ABCD4: variants seen among roughly 807,000 people sequenced by gnomAD.
ABCD4 encodes the protein lysosomal cobalamin transporter ABCD4.
ABCD4 carries 53 observed loss-of-function variants against 86.3 expected under a neutral mutation model. The ratio of observed to expected loss-of-function variants is 0.61; its 90% CI spans 0.49 to 0.77. The LOEUF (loss-of-function observed/expected upper bound fraction) is 0.77. Among genes scored for constraint, ABCD4 ranks in the 30% least tolerant of loss-of-function variants. ABCD4 has a pLI of 0.00. For synonymous variants in ABCD4, 328 were observed against 313.6 expected, an observed-to-expected ratio of 1.05 and a Z score of -0.49; for missense variants, 757 against 764.5, an observed-to-expected ratio of 0.99 and a Z score of 0.12.
chr14:74,292,545 C>A lies in ABCD4; in HGVS notation c.1028+6G>T, dbSNP rs115783644. 1.5e-3 allele frequency: 2,407 copies of A among 1,613,610 alleles called. 27 individuals are homozygous for A. In the African/African-American group the frequency reaches 0.028, roughly 19 times the overall value. ...CAGGAGCCAGAGGGGTGGGACACGG[C>A]CTCACCTGTGCGTGTAGCCAGCCAC... On this transcript the variant is annotated splice_donor_region_variant and intron_variant, in intron 10 of 18. Coordinates refer to ENST00000356924, the MANE Select transcript of ABCD4 (RefSeq NM_005050.4).
At chr14:74,302,701 G>A (rs2140168060) in intron 1 of ABCD4, among the ~76,000 whole-genome samples, 174 bp downstream of exon 1, 1 of 152,340 alleles carries the variant, frequency 6.6e-6, no homozygotes, top group Admixed American at 6.5e-5. Context: ...GGTGCGGAGC[G>A]GCCTAGAGCG....
At position 74,288,901 on chromosome 14, in the gene ABCD4, C is replaced by T; in HGVS notation, c.1457-136G>A. ...GGCCGAGGCAGGTGGATCACAAGGT[C>T]AGGAGATGGAGACCACCCTGGCCAA... On this transcript the variant is annotated intron_variant, in intron 14 of 18. Coordinates refer to ENST00000356924, the MANE Select transcript of ABCD4 (RefSeq NM_005050.4). 3.4e-6 allele frequency: 4 copies of T among 1,164,028 alleles called. No homozygotes were observed. In the East Asian group the frequency reaches 7.8e-5, roughly 23 times the overall value. The allele number at this position is 1,164,028 out of a possible 1,614,324, so 72.1% of individuals were successfully genotyped here.
In ABCD4 at chr14:74,286,387, C is replaced by A. The variant is rs775597361; in HGVS notation, c.*74G>T. Reference sequence around the variant, plus strand: ...GTGGCGAACCTGAGCTCGATCTTCGCTGTCAGTCCTCCTGGTCTCTCCTGA... The same window carrying A: ...GTGGCGAACCTGAGCTCGATCTTCGATGTCAGTCCTCCTGGTCTCTCCTGA... On this transcript the variant is annotated 3_prime_UTR_variant, in exon 19 of 19. Coordinates refer to ENST00000356924, the MANE Select transcript of ABCD4 (RefSeq NM_005050.4). 11 of 1,527,388 alleles carry A rather than the reference C, an allele frequency of 7.2e-6. No homozygotes were observed. In the African/African-American group the frequency reaches 1.4e-4, roughly 19 times the overall value. The allele number at this position is 1,527,388 out of a possible 1,614,324, so 94.6% of individuals were successfully genotyped here. A position where few individuals can be genotyped will look rare whatever the true frequency, so the allele number is the denominator to read the frequency against.
intron 11 of ABCD4, among the ~76,000 whole-genome samples, chr14:74,291,489 A>G (rs1024559578): frequency 3.9e-5 from 6 of 152,226 alleles, no homozygotes; most frequent in African/African-American, 1.2e-4. Flanking sequence ...CAGAGTACTA[A>G]TAACAAGAAT....
chr14:74,290,562 G>GCACTGCTCCCGGGAGC (rs1650402347), intron 11 of ABCD4, 63 bp from the exon 12 acceptor site: 8 of 1,308,702 alleles, frequency 6.1e-6, no homozygotes, highest in Non-Finnish European at 8.7e-6. Flanking sequence ...TGTGGGGGAG[G>GCACTGCTCCCGGGAGC]CACTGCTCCC....
intron 13 of ABCD4, 108 bp from the exon 14 acceptor site, chr14:74,289,627 G>T: frequency 6.6e-7 from 1 of 1,526,660 alleles, no homozygotes; most frequent in Non-Finnish European, 8.8e-7. Flanking sequence ...AGGAGGAGAG[G>T]TGGGAACGCC....
intron 4 of ABCD4, chr14:74,297,706 C>T (rs2083228320): frequency 1.6e-6 from 2 of 1,245,580 alleles, no homozygotes; most frequent in East Asian, 3.7e-5. Flanking sequence ...ACTACAGGTG[C>T]ATGCCACTGC....
At chr14:74,302,853 C>G in intron 1 of ABCD4, 22 bp downstream of exon 1, 4 of 1,605,054 alleles carry the variant, frequency 2.5e-6, no homozygotes, top group Middle Eastern at 3.3e-4. Flanking sequence ...TCCCAAACCT[C>G]CTCCCCGACC....
At chr14:74,297,362 G>C (rs2083128419) in intron 4 of ABCD4, 1 of 152,184 alleles carries the variant, frequency 6.6e-6, no homozygotes, top group South Asian at 2.1e-4. Context: ...GTTATAACCT[G>C]AGTGGTGATA....
Position 74,292,922 on chromosome 14 carries a change from C to A in ABCD4, c.815-53G>T, listed in dbSNP as rs138314552. 1.0e-4 allele frequency: 164 copies of A among 1,611,026 alleles called. 1 individual carries two copies. The South Asian group carries it at 1.7e-3, about 17-fold the overall frequency. ...CAGGAACCATCCACATGCCCTACAG[C>A]GGACACAACCCTAAGACAGGGAGCA... On this transcript the variant is annotated intron_variant, in intron 8 of 18. Coordinates refer to ENST00000356924, the MANE Select transcript of ABCD4 (RefSeq NM_005050.4).
rs1468663643 is a variant in ABCD4, at chr14:74,285,882, T to TA, written c.*578dup. On this transcript the variant is annotated 3_prime_UTR_variant, in exon 19 of 19. Coordinates refer to ENST00000356924, the MANE Select transcript of ABCD4 (RefSeq NM_005050.4). ...GGGGAGAAGTGAAAAACCCTGGGCATAAGATTCCAGAACAGCAGAGTGTGC... is the reference window on the plus strand; with the variant it reads ...GGGGAGAAGTGAAAAACCCTGGGCATAAAGATTCCAGAACAGCAGAGTGTGC... 2.6e-5 allele frequency: 4 copies of TA among 152,302 alleles called. No homozygotes were observed. The highest frequency in any genetic ancestry group is 9.7e-5 in the African/African-American group (4 of 41,424). 9.4% of individuals were successfully genotyped at this position (152,302 alleles called of 1,614,324 possible).
At position 74,299,471 on chromosome 14, in the gene ABCD4, A is replaced by G. The variant is rs370730765; in HGVS notation, c.285+77T>C. The G allele has an allele frequency of 6.4e-6, 10 of 1,560,890 alleles. No individual in the cohort carries two copies. In the African/African-American group the frequency reaches 1.4e-4, roughly 21 times the overall value. ...CCACAGCTTGCTTCCTGCTTCCTGG[A>G]GGCTAAGTTCCACTAGGCATTACGG... On this transcript the variant is annotated intron_variant, in intron 3 of 18. Coordinates refer to ENST00000356924, the MANE Select transcript of ABCD4 (RefSeq NM_005050.4).
intron 4 of ABCD4, 71 bp from the exon 5 acceptor site, chr14:74,296,520 C>T (rs2082915125): frequency 1.5e-6 from 2 of 1,352,402 alleles, no homozygotes; most frequent in South Asian, 2.4e-5. Context: ...AAGAAACTTT[C>T]ACATCACCTC....
In ABCD4 at chr14:74,286,717, C is replaced by T. The variant is rs143288344; in HGVS notation, c.1736G>A (p.Arg579Gln). The T allele has an allele frequency of 5.1e-3, 8,298 of 1,614,076 alleles. 28 individuals carry two copies. The highest frequency in any genetic ancestry group is 5.8e-3 in the Non-Finnish European group (6,789 of 1,180,030). The change falls in exon 18 of 19, where the codon CGG becomes CAG. Residue 579 changes from arginine to glutamine, a missense_variant. Transcript: ENST00000356924. ...CACGGGTACCTTCTCAAGGCTCTGC[C>T]GATGTCCCACACTGATGAACGTCAT... is the stretch of plus-strand genomic sequence containing the variant. ...LGMTFISVGH[R>Q]QSLEKFHSLV... is the part of the protein sequence containing the mutation.
chr14:74,302,794 G>A, intron 1 of ABCD4, 81 bp downstream of exon 1: 1 of 1,367,790 alleles, frequency 7.3e-7, no homozygotes, highest in Non-Finnish European at 9.6e-7. Context: ...GGCGGCGGAC[G>A]AGGCACGGAG....
rs748091725 is a variant in ABCD4, at chr14:74,288,226, G to C, written c.1540C>G (p.Gln514Glu). Reference sequence around the variant, plus strand: ...TCTTACCAGTTCCAGTCCACCTGCTGGTCCAGGCCCTCTGTCCTTGCCACC... The same window carrying C: ...TCTTACCAGTTCCAGTCCACCTGCTCGTCCAGGCCCTCTGTCCTTGCCACC... Reference protein sequence around the residue: ...NLVARTEGLDQQVDWNWYDVL... With the variant: ...NLVARTEGLDEQVDWNWYDVL... Residue 514 changes from glutamine to glutamate, a missense_variant, in exon 16 of 19, where the codon CAG becomes GAG. Physicochemically the swap from Gln to Glu is conservative, Grantham distance 29. Transcript: ENST00000356924. 6.2e-7 allele frequency: 1 copy of C among 1,612,220 alleles called. No homozygotes were observed. The highest frequency in any genetic ancestry group is 8.5e-7 in the Non-Finnish European group (1 of 1,179,446).
At chr14:74,302,772 C>A in intron 1 of ABCD4, 103 bp downstream of exon 1, 1 of 1,277,192 alleles carries the variant, frequency 7.8e-7, no homozygotes, top group Non-Finnish European at 1.0e-6. Flanking sequence ...GGGGGCGAGA[C>A]GGGGGCGCCA....
At position 74,290,492 on chromosome 14, in the gene ABCD4, C is replaced by CT. The variant is rs2081194630; in HGVS notation, c.1125dup (p.Gly376ArgfsTer15). Reference sequence around the variant, plus strand: ...TCTGCTGGCTCTGCCGCTGGCCACCCTGGGGGTCTGTGTCAGAGAAGAGAG... The same window carrying CT: ...TCTGCTGGCTCTGCCGCTGGCCACCCTTGGGGGTCTGTGTCAGAGAAGAGAG... On this transcript the variant is annotated frameshift_variant, in exon 12 of 19. Coordinates refer to ENST00000356924, the MANE Select transcript of ABCD4 (RefSeq NM_005050.4). LOFTEE classifies it high-confidence loss of function. 2 of 1,612,844 alleles carry CT rather than the reference C, an allele frequency of 1.2e-6. No individual in the cohort carries two copies. The highest frequency in any genetic ancestry group is 1.7e-6 in the Non-Finnish European group (2 of 1,179,970).
chr14:74,287,853 C>T lies in ABCD4; in HGVS notation c.1593G>A (p.Arg531=). The T allele has an allele frequency of 6.2e-7, 1 of 1,613,356 alleles. No individual in the cohort carries two copies. The highest frequency in any genetic ancestry group is 8.5e-7 in the Non-Finnish European group (1 of 1,179,654). ...YDVLSPGEMQ[R]LSFARLFYLQ... ...GGTAGAAGAGTCGGGCAAAGGAGAG[C>T]CGTTGCATCTCCCCCGGGGACAGAA... The change falls in exon 17 of 19, where the codon CGG becomes CGA. Residue 531 remains arginine, a synonymous_variant. Coordinates refer to ENST00000356924, the MANE Select transcript of ABCD4 (RefSeq NM_005050.4).
Sources: gnomAD v4.1 joint callset for allele counts (sites outside exome capture counted in the v4.1 genomes callset) on GRCh38, gnomAD v4.1.1 for gene constraint, MANE v1.5 for transcripts, NCBI Gene and HGNC (gene_info 2026-07-23, HGNC 2026-07-21) for gene names.